BCL9: variants seen among roughly 807,000 people sequenced by gnomAD.
The protein encoded by BCL9 is BCL9 transcription coactivator.
BCL9 carries 25 observed loss-of-function variants against 88.5 expected under a neutral mutation model. The ratio of observed to expected loss-of-function variants is 0.28; its 90% CI spans 0.21 to 0.39. BCL9 has a LOEUF of 0.39. Among genes scored for constraint, BCL9 ranks in the 10% least tolerant of loss-of-function variants. The probability of loss-of-function intolerance (pLI) is 1.00; values close to 1 mark genes in which losing one functional copy is unlikely to be tolerated. For synonymous variants in BCL9, 711 were observed against 673.3 expected (o/e 1.06, Z -0.87); for missense variants, 1,817 against 1,877.8 (o/e 0.97, Z 0.60).
chr1:147,552,994 C>A (rs1423791236), intron 1 of BCL9, among the ~76,000 whole-genome samples: 1 of 150,458 alleles, frequency 6.6e-6, no homozygotes, highest in Admixed American at 6.6e-5. Flanking sequence ...TTTTTACATA[C>A]AATACCAGGC....
At chr1:147,555,766 T>C (rs1291578737) in intron 1 of BCL9, among the ~76,000 whole-genome samples, 3 of 152,186 alleles carry the variant, frequency 2.0e-5, no homozygotes, top group African/African-American at 7.2e-5. Flanking sequence ...GCAATCAGAT[T>C]TTCCAGATTT....
chr1:147,600,166 T>G (rs1553201048), intron 1 of BCL9: 1 of 156,620 alleles, frequency 6.4e-6, no homozygotes, highest in East Asian at 1.9e-4. Flanking sequence ...ATGGAGCCTA[T>G]GTGTGCTTGC....
intron 1 of BCL9, among the ~76,000 whole-genome samples, chr1:147,547,614 G>T (rs1287118102): frequency 6.6e-6 from 1 of 152,120 alleles, no homozygotes; most frequent in Non-Finnish European, 1.5e-5. Flanking sequence ...CACACTGTAT[G>T]TAATAATTTT....
At chr1:147,571,122 C>T (rs1275654276) in intron 1 of BCL9, among the ~76,000 whole-genome samples, 1 of 152,052 alleles carries the variant, frequency 6.6e-6, no homozygotes, top group Non-Finnish European at 1.5e-5. Context: ...AGAGACAATT[C>T]GTGGTCAGGA....
rs781863100 is a variant in BCL9 at position 147,619,200 on chromosome 1, G to A, written c.1045G>A (p.Asp349Asn). The change falls in exon 8 of 10, where the codon GAT (aspartate) becomes AAT (asparagine). Residue 349 changes from aspartate (D) to asparagine (N), a missense_variant. Physicochemically the swap from Asp to Asn is conservative, Grantham distance 23. Coordinates refer to ENST00000234739, the MANE Select transcript of BCL9 (RefSeq NM_004326.4). The surrounding 1 kb of genome is among the most constrained non-coding windows in gnomAD (Gnocchi z 4.1). ...GEPPTLGENP[D>N]GLSQEQLEHR... ...GCCCCCCACACTGGGAGAGAATCCCGATGGCCTATCTCAGGAGCAGCTGGA... is the reference window on the plus strand; with the variant it reads ...GCCCCCCACACTGGGAGAGAATCCCAATGGCCTATCTCAGGAGCAGCTGGA... The A allele has an allele frequency of 3.7e-6, 6 of 1,613,970 alleles. No homozygotes were observed. Among genetic ancestry groups the A allele is most frequent in the South Asian group, 1.1e-5 (1 of 91,054 alleles).
In BCL9 at chr1:147,618,855, C is replaced by A. The variant is rs1553204276; in HGVS notation, c.700C>A (p.Leu234Ile). Residue 234 changes from leucine to isoleucine, a missense_variant, in exon 8 of 10, where the codon CTC becomes ATC. Transcript: ENST00000234739. ...ISALRNDPKPLPQQPPAPANQ... is the reference protein window; with the variant it reads ...ISALRNDPKPIPQQPPAPANQ... ...TGCCCTTCGGAATGATCCGAAACCT[C>A]TCCCACAACAGCCCCCAGCTCCGGC... The A allele has an allele frequency of 6.3e-7, 1 of 1,590,604 alleles. No homozygotes were observed. The highest frequency in any genetic ancestry group is 8.5e-7 in the Non-Finnish European group (1 of 1,169,944).
At position 147,619,856 on chromosome 1, in the gene BCL9, CATG is replaced by C. The variant is rs587603499; in HGVS notation, c.1704_1706del (p.Met568del). ...AGATGCGCCTCCCTGGATTTGCAGG[CATG>C]ATAAACTCTGAAATGGAAGGGCCGA... is the stretch of plus-strand genomic sequence containing the variant. On this transcript the variant is annotated inframe_deletion, in exon 8 of 10. Transcript: ENST00000234739. The surrounding 1 kb of genome is among the most constrained non-coding windows in gnomAD (Gnocchi z 4.1). The C allele has an allele frequency of 2.5e-4, 401 of 1,614,166 alleles. 1 individual carries two copies. In the African/African-American group the frequency reaches 3.8e-3, roughly 15 times the overall value.
intron 1 of BCL9, among the ~76,000 whole-genome samples, chr1:147,586,509 C>T (rs1214920116): frequency 2.0e-5 from 3 of 152,180 alleles, no homozygotes; most frequent in Admixed American, 6.5e-5. Context: ...TTTTGGCCTT[C>T]TCGCCTACTA....
rs1222827546 is a variant in BCL9 at position 147,547,002 on chromosome 1, G to GTT, written c.-478+5336_-478+5337dup. Reference sequence around the variant, plus strand: ...TCACAGGCTTTTCCATAAAAATCGTGTTTTTTTTTATATTGTGCTCACATG... The same window carrying GTT: ...TCACAGGCTTTTCCATAAAAATCGTGTTTTTTTTTTTATATTGTGCTCACATG... On this transcript the variant is annotated intron_variant, in intron 1 of 9. Coordinates refer to ENST00000234739, the MANE Select transcript of BCL9 (RefSeq NM_004326.4). Among the ~76,000 whole-genome samples, 387 of 149,262 alleles carry GTT rather than the reference G, an allele frequency of 2.6e-3. 1 individual carries two copies. The highest frequency in any genetic ancestry group is 6.3e-3 in the African/African-American group (251 of 40,112).
chr1:147,593,096 C>A (rs1287194477), intron 1 of BCL9, among the ~76,000 whole-genome samples: 7 of 152,170 alleles, frequency 4.6e-5, no homozygotes, highest in East Asian at 3.9e-4. Context: ...ATCATCACAG[C>A]AAGCAAGGTG....
chr1:147,592,842 T>C (rs1553200082), intron 1 of BCL9, among the ~76,000 whole-genome samples: 1 of 152,146 alleles, frequency 6.6e-6, no homozygotes, highest in Non-Finnish European at 1.5e-5. Flanking sequence ...CACACTACTC[T>C]GGGAGACAAA....
At position 147,611,791 on chromosome 1, in the gene BCL9, C is replaced by T. The variant is rs782326425; in HGVS notation, c.-46C>T. 43 of 1,593,994 alleles carry T rather than the reference C, an allele frequency of 2.7e-5. No individual in the cohort carries two copies. Among genetic ancestry groups the T allele is most frequent in the South Asian group, 1.9e-4 (17 of 90,560 alleles). ...TTTCTGCTGCAACCCGAGAGGAACT[C>T]GGTGAGCCTGTCCCGTTTGTGACTG... On this transcript the variant is annotated 5_prime_UTR_variant, in exon 4 of 10. Transcript: ENST00000234739.
At position 147,611,493 on chromosome 1, in the gene BCL9, A is replaced by G. The variant is rs1296875165; in HGVS notation, c.-259-85A>G. On this transcript the variant is annotated intron_variant, in intron 3 of 9. Transcript: ENST00000234739. Reference sequence around the variant, plus strand: ...GTCTAGCTGCTTCGCTGAGTTGGCTAGTGCTTTCACCTTGATCCTGTTGTG... The same window carrying G: ...GTCTAGCTGCTTCGCTGAGTTGGCTGGTGCTTTCACCTTGATCCTGTTGTG... 7.3e-5 allele frequency: 24 copies of G among 326,816 alleles called. No individual in the cohort carries two copies. In the East Asian group the frequency reaches 1.1e-3, roughly 14 times the overall value. 20.2% of individuals were successfully genotyped at this position (326,816 alleles called of 1,614,324 possible).
At chr1:147,615,991 T>G (rs782742332) in intron 7 of BCL9, 89 bp downstream of exon 7, 1 of 1,281,870 alleles carries the variant, frequency 7.8e-7, no homozygotes, top group Non-Finnish European at 1.1e-6. Context: ...GATAGGAAGG[T>G]AGTCTTGATG....
chr1:147,624,078 C>T lies in BCL9; in HGVS notation c.3400C>T (p.Arg1134Trp), dbSNP rs782131021. ...SQEPPMVPQG[R>W]MGFPQGFPPV... ...GGAGCCACCGATGGTACCTCAAGGA[C>T]GGATGGGCTTCCCCCAGGGCTTCCC... is the stretch of plus-strand genomic sequence containing the variant. The change falls in exon 10 of 10, where the codon CGG (arginine) becomes TGG (tryptophan). Residue 1134 changes from arginine to tryptophan, a missense_variant. Coordinates refer to ENST00000234739, the MANE Select transcript of BCL9 (RefSeq NM_004326.4). The surrounding 1 kb of genome is among the most constrained non-coding windows in gnomAD (Gnocchi z 4.4). The T allele has an allele frequency of 1.2e-5, 20 of 1,611,418 alleles. No individual in the cohort carries two copies. The highest frequency in any genetic ancestry group is 3.3e-4 in the Middle Eastern group (2 of 6,074).
chr1:147,597,497 G>C (rs1312734873), intron 1 of BCL9, among the ~76,000 whole-genome samples: 1 of 152,076 alleles, frequency 6.6e-6, no homozygotes, highest in Admixed American at 6.5e-5. Context: ...TTCTAGAGTA[G>C]CAGTACCAGT....
chr1:147,590,592 C>G (rs782610764), intron 1 of BCL9, among the ~76,000 whole-genome samples: 3 of 137,058 alleles, frequency 2.2e-5, no homozygotes, highest in Non-Finnish European at 4.4e-5. Flanking sequence ...GATCTGTGTT[C>G]TAGTTCAGGA....
chr1:147,581,849 AGCTTTTCT>A (rs1421260144), intron 1 of BCL9, among the ~76,000 whole-genome samples: 1 of 152,078 alleles, frequency 6.6e-6, no homozygotes, highest in African/African-American at 2.4e-5. Context: ...GCATTTTGAA[AGCTTTTCT>A]GCTTTTCTTC....
intron 1 of BCL9, among the ~76,000 whole-genome samples, chr1:147,599,261 G>A (rs1331659414): frequency 6.6e-6 from 1 of 152,244 alleles, no homozygotes; most frequent in African/African-American, 2.4e-5. Flanking sequence ...TGCGAGGGGA[G>A]AAAGCCGGCC....
Sources: allele counts gnomAD v4.1 joint callset (sites outside exome capture counted in the v4.1 genomes callset), GRCh38; gene constraint gnomAD v4.1.1; non-coding constraint Gnocchi (gnomAD v3.1); transcripts MANE v1.5; gene names NCBI Gene and HGNC (gene_info 2026-07-23, HGNC 2026-07-21).